Variants in UNC5D observed in about 807,000 individuals in gnomAD.
The protein encoded by UNC5D is netrin receptor UNC5D.
Under a neutral mutation model 105.4 loss-of-function variants are expected in UNC5D, and 39 were observed. The observed-to-expected ratio is 0.37, with a 90% CI of 0.29 to 0.48. The LOEUF (loss-of-function observed/expected upper bound fraction) is 0.48, where lower values mean the gene tolerates loss of function less well. Among genes scored for constraint, UNC5D ranks in the 20% least tolerant of loss-of-function variants. The pLI is 0.98. For synonymous variants in UNC5D, 452 were observed against 450.4 expected (o/e 1.00, Z -0.04); for missense variants, 991 against 1,202.4 (o/e 0.82, Z 2.60).
chr8:35,464,681 T>C (rs1809167300), intron 1 of UNC5D, among the ~76,000 whole-genome samples: 1 of 152,246 alleles, frequency 6.6e-6, no homozygotes, highest in Admixed American at 6.5e-5. Context: ...AGGTCAATTC[T>C]AACCTGCTTA....
intron 1 of UNC5D, among the ~76,000 whole-genome samples, chr8:35,516,930 C>G (rs1225712736): frequency 1.3e-5 from 2 of 152,122 alleles, no homozygotes; most frequent in African/African-American, 4.8e-5. Flanking sequence ...TCTAAATTTG[C>G]CTGAACTTTA....
At chr8:35,399,979 G>A (rs1013334974) in intron 1 of UNC5D, among the ~76,000 whole-genome samples, 1 of 152,010 alleles carries the variant, frequency 6.6e-6, no homozygotes, top group African/African-American at 2.4e-5. Flanking sequence ...GCTGTATGAG[G>A]AGAAACTACC....
chr8:35,250,206 C>T (rs957499147), intron 1 of UNC5D, among the ~76,000 whole-genome samples: 1 of 152,082 alleles, frequency 6.6e-6, no homozygotes, highest in African/African-American at 2.4e-5. Flanking sequence ...GATGCCAAGG[C>T]ATTGATCTCA....
At chr8:35,413,820 G>T (rs984142799) in intron 1 of UNC5D, among the ~76,000 whole-genome samples, 2 of 152,132 alleles carry the variant, frequency 1.3e-5, no homozygotes, top group Non-Finnish European at 2.9e-5. Context: ...TCTTAAGTGG[G>T]TAGCAGAAAG....
chr8:35,255,245 C>T (rs1803994675), intron 1 of UNC5D: 1 of 152,144 alleles, frequency 6.6e-6, no homozygotes, highest in African/African-American at 2.4e-5. Flanking sequence ...CTTGTATGTT[C>T]TGTTACACAT....
intron 4 of UNC5D, among the ~76,000 whole-genome samples, chr8:35,649,856 A>T: frequency 6.6e-6 from 1 of 152,208 alleles, no homozygotes; most frequent in Non-Finnish European, 1.5e-5. Context: ...ACAGACATAA[A>T]GCAGAAGAGC....
chr8:35,557,380 C>T (rs949395739), intron 2 of UNC5D, among the ~76,000 whole-genome samples: 7 of 152,120 alleles, frequency 4.6e-5, no homozygotes, highest in Admixed American at 1.3e-4. Context: ...TTAGGCATGG[C>T]GCACATGCAC....
chr8:35,479,363 C>G (rs34891570), intron 1 of UNC5D, among the ~76,000 whole-genome samples: 57 of 152,066 alleles, frequency 3.7e-4, no homozygotes, highest in Non-Finnish European at 7.5e-4. Flanking sequence ...GACTGTGGAG[C>G]CCTCTATTAA....
chr8:35,680,112 G>A (rs796375912), intron 4 of UNC5D, among the ~76,000 whole-genome samples: 3 of 152,272 alleles, frequency 2.0e-5, no homozygotes, highest in African/African-American at 7.2e-5. Context: ...GATCTCCTCT[G>A]TAAGACCCAG....
intron 11 of UNC5D, among the ~76,000 whole-genome samples, chr8:35,732,077 C>T (rs994847074): frequency 2.0e-5 from 3 of 152,112 alleles, no homozygotes; most frequent in African/African-American, 7.2e-5. Flanking sequence ...GGATATATAC[C>T]TCTAGCATTT....
At chr8:35,243,630 A>G (rs950213521) in intron 1 of UNC5D, among the ~76,000 whole-genome samples, 8 of 152,216 alleles carry the variant, frequency 5.3e-5, no homozygotes, top group Admixed American at 4.6e-4. Context: ...ATGAGGCTAT[A>G]GTTAAGCAAG....
chr8:35,407,346 TAAAA>T (rs368131972), intron 1 of UNC5D, among the ~76,000 whole-genome samples: 1 of 148,148 alleles, frequency 6.8e-6, no homozygotes, highest in Non-Finnish European at 1.5e-5. Context: ...TTAGTATAAG[TAAAA>T]AAAAAACACT....
Position 35,382,782 on chromosome 8 carries a change from G to C in UNC5D, c.103+146895G>C, listed in dbSNP as rs376201594. 4.8e-4 allele frequency among the ~76,000 whole-genome samples: 73 copies of C among 152,316 alleles called. 1 individual carries two copies. Among genetic ancestry groups the C allele is most frequent in the African/African-American group, 1.6e-3 (68 of 41,566 alleles). On this transcript the variant is annotated intron_variant, in intron 1 of 16. Transcript: ENST00000404895. ...TGCTTGGATTCCAGAATGCTGGTGA[G>C]ATTCTGCATGCCCCTGGACGGTGAC...
Position 35,729,290 on chromosome 8 carries a change from G to A in UNC5D, c.1682-1722G>A, listed in dbSNP as rs114386330. Reference sequence around the variant, plus strand: ...GTTTTGCTATGAGAGTTGGCCATCAGGCTATGATGATCTACAGAAGCTAAC... The same window carrying A: ...GTTTTGCTATGAGAGTTGGCCATCAAGCTATGATGATCTACAGAAGCTAAC... On this transcript the variant is annotated intron_variant, in intron 10 of 16. Coordinates refer to ENST00000404895, the MANE Select transcript of UNC5D (RefSeq NM_080872.4). 6.9e-3 allele frequency among the ~76,000 whole-genome samples: 1,048 copies of A among 152,250 alleles called. 8 individuals carry two copies. The highest frequency in any genetic ancestry group is 0.024 in the African/African-American group (997 of 41,538).
chr8:35,335,786 C>T lies in UNC5D; in HGVS notation c.103+99899C>T, dbSNP rs372686905. Among the ~76,000 whole-genome samples, 484 of 78,404 alleles carry T rather than the reference C, an allele frequency of 6.2e-3. 5 individuals are homozygous for T. Among genetic ancestry groups the T allele is most frequent in the African/African-American group, 0.023 (452 of 19,812 alleles). The allele number at this position is 78,404 out of a possible 152,430, so 51.4% of individuals were successfully genotyped here. On this transcript the variant is annotated intron_variant, in intron 1 of 16. Transcript: ENST00000404895. ...TTTTTTTTTTTTTTTTTTTTTGAGA[C>T]GGAGTGTCGCTCTGTCGCCCAGGCT...
intron 1 of UNC5D, among the ~76,000 whole-genome samples, chr8:35,439,175 T>G (rs1180964047): frequency 2.0e-5 from 3 of 152,064 alleles, no homozygotes; most frequent in Admixed American, 1.3e-4. Context: ...TAGTGCCTGG[T>G]TCCCGGTAGG....
chr8:35,554,096 G>A (rs181749806), intron 2 of UNC5D, among the ~76,000 whole-genome samples: 1 of 152,262 alleles, frequency 6.6e-6, no homozygotes, highest in Admixed American at 6.5e-5. Context: ...AAATGCATAG[G>A]ACCTGGGAGT....
intron 1 of UNC5D, among the ~76,000 whole-genome samples, chr8:35,300,969 G>T (rs575097133): frequency 2.0e-5 from 3 of 152,286 alleles, no homozygotes; most frequent in African/African-American, 7.2e-5. Flanking sequence ...AGATGTGTGT[G>T]TATGTTTATG....
chr8:35,565,488 T>C (rs1159333813), intron 2 of UNC5D, among the ~76,000 whole-genome samples: 1 of 152,214 alleles, frequency 6.6e-6, no homozygotes, highest in Non-Finnish European at 1.5e-5. Flanking sequence ...TATTATTTCT[T>C]TGTGAGATGT....
Sources: allele counts gnomAD v4.1 joint callset (sites outside exome capture counted in the v4.1 genomes callset), GRCh38; gene constraint gnomAD v4.1.1; transcripts MANE v1.5; gene names NCBI Gene and HGNC (gene_info 2026-07-23, HGNC 2026-07-21).